POFUT3: variants seen among roughly 807,000 people sequenced by gnomAD.
POFUT3 encodes GDP-fucose protein O-fucosyltransferase 3.
chr8:33,424,730 C>A, the POFUT3 span, among the ~76,000 whole-genome samples: 2 of 152,294 alleles, frequency 1.3e-5, no homozygotes, highest in African/African-American at 2.4e-5. Context: ...GATTAAACAG[C>A]CTGACAAACT....
chr8:33,309,089 G>A, the POFUT3 span, among the ~76,000 whole-genome samples: 1 of 137,032 alleles, frequency 7.3e-6, no homozygotes, highest in Non-Finnish European at 1.5e-5. Flanking sequence ...CTGGAGCCCC[G>A]GCTGTTGCTT....
the POFUT3 span, among the ~76,000 whole-genome samples, chr8:33,377,181 G>A: frequency 6.6e-6 from 1 of 151,470 alleles, no homozygotes; most frequent in African/African-American, 2.4e-5. Context: ...GCAGTAAGCT[G>A]AGATCGCACC....
the POFUT3 span, among the ~76,000 whole-genome samples, chr8:33,352,326 G>A: frequency 6.6e-6 from 1 of 152,104 alleles, no homozygotes; most frequent in South Asian, 2.1e-4. Context: ...AGAATGAAGG[G>A]GCCACTTTTC....
At chr8:33,352,888 A>G in the POFUT3 span, among the ~76,000 whole-genome samples, 1 of 152,236 alleles carries the variant, frequency 6.6e-6, no homozygotes, top group Admixed American at 6.5e-5. Context: ...GACATCAAAC[A>G]ATTAATGACC....
the POFUT3 span, among the ~76,000 whole-genome samples, chr8:33,358,488 G>C: frequency 1.3e-5 from 2 of 152,176 alleles, no homozygotes; most frequent in Admixed American, 6.5e-5. Context: ...AATATGGACT[G>C]TGTATTAAAT....
chr8:33,325,042 A>G, the POFUT3 span, among the ~76,000 whole-genome samples: 1 of 152,192 alleles, frequency 6.6e-6, no homozygotes, highest in African/African-American at 2.4e-5. Flanking sequence ...GATGTTCTCA[A>G]ATACTTTAAT....
At chr8:33,469,487 A>G in the POFUT3 span, among the ~76,000 whole-genome samples, 2 of 152,196 alleles carry the variant, frequency 1.3e-5, no homozygotes, top group Non-Finnish European at 2.9e-5. Context: ...AGAGACCAGT[A>G]GAGGACAGTA....
the POFUT3 span, among the ~76,000 whole-genome samples, chr8:33,316,879 T>C: frequency 6.6e-6 from 1 of 152,154 alleles, no homozygotes; most frequent in Non-Finnish European, 1.5e-5. Flanking sequence ...CATGATCCTA[T>C]GGCCCTGTCT....
At chr8:33,460,725 G>C in the POFUT3 span, 1 of 985,210 alleles carries the variant, frequency 1.0e-6, no homozygotes, top group East Asian at 1.1e-4. Flanking sequence ...CTATTTCAAT[G>C]ACTTTGTTTC....
chr8:33,420,796 T>C, the POFUT3 span, among the ~76,000 whole-genome samples: 2 of 151,932 alleles, frequency 1.3e-5, no homozygotes, highest in Non-Finnish European at 2.9e-5. Flanking sequence ...GCCAGAAGGA[T>C]ATTGAACATT....
At chr8:33,449,845 C>T in the POFUT3 span, among the ~76,000 whole-genome samples, 1 of 151,798 alleles carries the variant, frequency 6.6e-6, no homozygotes, top group Middle Eastern at 3.2e-3. Context: ...AAATATCCTC[C>T]AATCTCAACG....
the POFUT3 span, among the ~76,000 whole-genome samples, chr8:33,403,576 G>A: frequency 1.3e-5 from 2 of 152,092 alleles, no homozygotes; most frequent in African/African-American, 4.8e-5. Flanking sequence ...AAGTTAGCCA[G>A]GTGTGGCAGT....
At chr8:33,442,309 A>C in the POFUT3 span, among the ~76,000 whole-genome samples, 1 of 123,878 alleles carries the variant, frequency 8.1e-6, no homozygotes. Context: ...TTGGGGGGGG[A>C]CAGAGTCTTG....
At chr8:33,321,404 C>T in the POFUT3 span, among the ~76,000 whole-genome samples, 1 of 152,108 alleles carries the variant, frequency 6.6e-6, no homozygotes, top group African/African-American at 2.4e-5. Flanking sequence ...TGCTTCGTTG[C>T]TACCTGGTAT....
the POFUT3 span, among the ~76,000 whole-genome samples, chr8:33,436,070 A>G: frequency 6.6e-6 from 1 of 152,054 alleles, no homozygotes; most frequent in Non-Finnish European, 1.5e-5. Context: ...CATGAATGGG[A>G]AGCTACAGAA....
chr8:33,470,506 A>G, the POFUT3 span, among the ~76,000 whole-genome samples: 1 of 152,154 alleles, frequency 6.6e-6, no homozygotes, highest in Non-Finnish European at 1.5e-5. Context: ...ATTCTTCAAG[A>G]GCAGGGATTC....
chr8:33,464,949 T>G, the POFUT3 span, among the ~76,000 whole-genome samples: 1 of 152,204 alleles, frequency 6.6e-6, no homozygotes, highest in Admixed American at 6.6e-5. Flanking sequence ...AAAGTACCTT[T>G]GCTCCTACTT....
chr8:33,343,340 G>T, the POFUT3 span, among the ~76,000 whole-genome samples: 1 of 152,088 alleles, frequency 6.6e-6, no homozygotes, highest in Non-Finnish European at 1.5e-5. Context: ...TCAAAGTTCT[G>T]TGCTGAGAAG....
the POFUT3 span, among the ~76,000 whole-genome samples, chr8:33,423,817 G>GAAAAAAAAAAAAAA: frequency 1.5e-4 from 1 of 6,696 alleles, no homozygotes; most frequent in African/African-American, 4.7e-4. Context: ...GGCACACCAA[G>GAAAAAAAAAAAAAA]TAAAAAAAAA....
Sources: gnomAD v4.1 joint callset for allele counts (sites outside exome capture counted in the v4.1 genomes callset) on GRCh38, gnomAD v4.1.1 for gene constraint, MANE v1.5 for transcripts, NCBI Gene and HGNC (gene_info 2026-07-23, HGNC 2026-07-21) for gene names.